The following MCUB variants were observed in gnomAD, a reference collection of about 807,000 sequenced individuals.
MCUB encodes the protein calcium uniporter regulatory subunit MCUb, mitochondrial.
A neutral mutation model predicts 41.4 loss-of-function variants in MCUB; 46 were observed. That is an observed-to-expected ratio of 1.11 (90% CI 0.88 to 1.42). The LOEUF is 1.42. Ranked by LOEUF, MCUB falls within the 40% of genes most tolerant of loss-of-function variation. The pLI, the probability that MCUB is intolerant of heterozygous loss-of-function variation, is 0.00. For synonymous variants in MCUB, 148 were observed against 148.2 expected, an observed-to-expected ratio of 1.00 and a Z score of 0.01; for missense variants, 403 against 404.9, an observed-to-expected ratio of 1.00 and a Z score of 0.04.
At chr4:109,652,934 C>A (rs973998336) in intron 1 of MCUB, among the ~76,000 whole-genome samples, 45 of 152,178 alleles carry the variant, frequency 3.0e-4, no homozygotes, top group African/African-American at 1.1e-3. Flanking sequence ...CAGACCAAGT[C>A]CCTGCCTGCT....
chr4:109,588,435 G>C (rs1222652987), intron 1 of MCUB, among the ~76,000 whole-genome samples: 1 of 152,136 alleles, frequency 6.6e-6, no homozygotes. Context: ...GAATTCAGTT[G>C]CATCTTACTC....
chr4:109,664,246 G>A, intron 3 of MCUB, 44 bp from the exon 4 acceptor site: 2 of 943,402 alleles, frequency 2.1e-6, no homozygotes, highest in Non-Finnish European at 1.7e-6. Flanking sequence ...GGTTCTTACT[G>A]TTCTAAAACA....
rs1729203544 is a variant in MCUB, at chr4:109,660,366, G to T, written c.346+1G>T. On this transcript the variant is annotated splice_donor_variant, in intron 3 of 7. Transcript: ENST00000394650. LOFTEE classifies it high-confidence loss of function. ...AAAACTGCAGCCATCTTCACAGCAG[G>T]TATATATGTATATAATTTTACAACT... 2 of 1,550,376 alleles carry T rather than the reference G, an allele frequency of 1.3e-6. No individual in the cohort carries two copies. The highest frequency in any genetic ancestry group is 1.8e-6 in the Non-Finnish European group (2 of 1,131,324).
intron 1 of MCUB, among the ~76,000 whole-genome samples, chr4:109,621,618 A>G (rs1440734690): frequency 6.6e-6 from 1 of 152,234 alleles, no homozygotes; most frequent in Non-Finnish European, 1.5e-5. Flanking sequence ...GTAATGTTCT[A>G]CAGTGGCCGT....
At chr4:109,564,934 C>A (rs1032553540) in intron 1 of MCUB, among the ~76,000 whole-genome samples, 1 of 152,218 alleles carries the variant, frequency 6.6e-6, no homozygotes, top group East Asian at 1.9e-4. Context: ...TAGATTCTTA[C>A]AGCAACTCCA....
intron 1 of MCUB, among the ~76,000 whole-genome samples, chr4:109,588,601 A>G (rs940193729): frequency 6.6e-6 from 1 of 152,196 alleles, no homozygotes; most frequent in Non-Finnish European, 1.5e-5. Context: ...CACCCCCACC[A>G]AATTGAAGAT....
intron 3 of MCUB, among the ~76,000 whole-genome samples, chr4:109,661,207 T>A (rs537121341): frequency 6.6e-6 from 1 of 152,330 alleles, no homozygotes; most frequent in South Asian, 2.1e-4. Flanking sequence ...TCTCATAGTC[T>A]GAAATGGTCT....
chr4:109,680,551 T>TTTTTTTTTTTTTTGAGACGGA (rs1729692626), intron 4 of MCUB, among the ~76,000 whole-genome samples: 1 of 151,940 alleles, frequency 6.6e-6, no homozygotes, highest in African/African-American at 2.4e-5. Flanking sequence ...ATATGTTTTA[T>TTTTTTTTTTTTTTGAGACGGA]GTACCAATAC....
At chr4:109,651,595 A>T (rs1054537385) in intron 1 of MCUB, among the ~76,000 whole-genome samples, 2 of 152,172 alleles carry the variant, frequency 1.3e-5, no homozygotes, top group Non-Finnish European at 2.9e-5. Context: ...TACATTAAAC[A>T]TTTGCATCTT....
intron 1 of MCUB, among the ~76,000 whole-genome samples, chr4:109,626,409 T>A: frequency 6.6e-6 from 1 of 152,202 alleles, no homozygotes. Context: ...ATCATGGCTG[T>A]AGTACATAGG....
intron 4 of MCUB, among the ~76,000 whole-genome samples, chr4:109,669,580 T>C (rs1010520002): frequency 1.3e-5 from 2 of 152,076 alleles, no homozygotes; most frequent in African/African-American, 4.8e-5. Flanking sequence ...TGGGGGGAGT[T>C]CTCAGTCCTT....
intron 1 of MCUB, among the ~76,000 whole-genome samples, chr4:109,647,020 T>C (rs1446095955): frequency 1.3e-5 from 2 of 152,202 alleles, no homozygotes; most frequent in African/African-American, 4.8e-5. Flanking sequence ...CACTGTTTTT[T>C]AATAGACCAT....
Position 109,682,632 on chromosome 4 carries a change from G to A in MCUB, c.502G>A (p.Val168Ile), listed in dbSNP as rs1159220778. ...TGAGATGGAACACATGAAATCTTTG[G>A]TTCACAGACTATTTACAATCTTGCA... Reference protein sequence around the residue: ...TAEMEHMKSLVHRLFTILHLE... With the variant: ...TAEMEHMKSLIHRLFTILHLE... The change falls in exon 5 of 8, where the codon GTT becomes ATT. Residue 168 changes from valine (V) to isoleucine (I), a missense_variant. By Grantham distance (29) the Val-to-Ile change is conservative. Transcript: ENST00000394650. 3.7e-6 allele frequency: 6 copies of A among 1,613,142 alleles called. No individual in the cohort carries two copies. The African/African-American group carries it at 6.7e-5, about 18-fold the overall frequency.
At chr4:109,605,227 A>C (rs796120630) in intron 1 of MCUB, among the ~76,000 whole-genome samples, 15 of 152,030 alleles carry the variant, frequency 9.9e-5, no homozygotes, top group African/African-American at 3.4e-4. Context: ...TAAGTTTTGA[A>C]TTTCTTCATG....
At chr4:109,574,683 C>A (rs1044818591) in intron 1 of MCUB, among the ~76,000 whole-genome samples, 1 of 152,130 alleles carries the variant, frequency 6.6e-6, no homozygotes, top group African/African-American at 2.4e-5. Context: ...ACGTTAATAA[C>A]CATCATATGA....
At chr4:109,641,521 A>C (rs992291158) in intron 1 of MCUB, among the ~76,000 whole-genome samples, 1 of 152,252 alleles carries the variant, frequency 6.6e-6, no homozygotes, top group Non-Finnish European at 1.5e-5. Flanking sequence ...CAGATGTAAT[A>C]GTAATGATAG....
intron 1 of MCUB, among the ~76,000 whole-genome samples, chr4:109,650,107 G>A (rs1728926477): frequency 6.6e-6 from 1 of 152,216 alleles, no homozygotes; most frequent in South Asian, 2.1e-4. Context: ...GAGGTGAGGT[G>A]TAAACTAAAA....
intron 1 of MCUB, among the ~76,000 whole-genome samples, chr4:109,640,123 A>G (rs1323491443): frequency 1.3e-5 from 2 of 152,248 alleles, no homozygotes; most frequent in South Asian, 4.1e-4. Context: ...CTCACAAGGT[A>G]CATTCTCAAG....
chr4:109,600,122 C>T (rs1043937691), intron 1 of MCUB, among the ~76,000 whole-genome samples: 1 of 152,164 alleles, frequency 6.6e-6, no homozygotes, highest in African/African-American at 2.4e-5. Flanking sequence ...CAACCCATTT[C>T]CACTGTTGGA....
Sources: allele counts gnomAD v4.1 joint callset (sites outside exome capture counted in the v4.1 genomes callset), GRCh38; gene constraint gnomAD v4.1.1; transcripts MANE v1.5; gene names NCBI Gene and HGNC (gene_info 2026-07-23, HGNC 2026-07-21).